Variants in IP6K1 observed in about 807,000 individuals in gnomAD.
IP6K1 encodes the protein ATP:1D-myo-inositol-hexakisphosphate phosphotransferase.
IP6K1 carries 13 observed loss-of-function variants against 38.3 expected under a neutral mutation model. That is an observed-to-expected ratio of 0.34 (90% CI 0.22 to 0.54). The LOEUF is 0.54. Among genes scored for constraint, IP6K1 ranks in the 20% least tolerant of loss-of-function variants. The pLI is 0.92. For synonymous variants in IP6K1, 212 were observed against 229.9 expected (o/e 0.92, Z 0.70); for missense variants, 397 against 599.8 (o/e 0.66, Z 3.53).
intron 1 of IP6K1, among the ~76,000 whole-genome samples, chr3:49,754,289 T>C (rs2080803459): frequency 6.6e-6 from 1 of 151,658 alleles, no homozygotes; most frequent in East Asian, 1.9e-4. Flanking sequence ...GGTGGGAGGA[T>C]GGCTTGAGCC....
At chr3:49,775,511 C>G in intron 1 of IP6K1, 1 of 900,832 alleles carries the variant, frequency 1.1e-6, no homozygotes, top group East Asian at 3.1e-5. Flanking sequence ...AGTGCACCAT[C>G]TAGGAGAAGG....
chr3:49,735,976 G>A (rs1329182165), intron 3 of IP6K1, among the ~76,000 whole-genome samples: 1 of 152,144 alleles, frequency 6.6e-6, no homozygotes, highest in Non-Finnish European at 1.5e-5. Context: ...GAGTGCAATG[G>A]TGTAATCTCA....
intron 2 of IP6K1, among the ~76,000 whole-genome samples, chr3:49,747,003 G>A (rs1439509413): frequency 6.6e-6 from 1 of 152,102 alleles, no homozygotes; most frequent in South Asian, 2.1e-4. Flanking sequence ...ATGTGTTAAT[G>A]CCACTAAATT....
chr3:49,777,739 C>T (rs2081030060), intron 1 of IP6K1, among the ~76,000 whole-genome samples: 1 of 149,934 alleles, frequency 6.7e-6, no homozygotes, highest in Admixed American at 6.7e-5. Context: ...ATGGTGAAAC[C>T]TTGTCTCTAC....
chr3:49,769,404 A>G (rs1399429278), intron 1 of IP6K1, among the ~76,000 whole-genome samples: 1 of 152,240 alleles, frequency 6.6e-6, no homozygotes, highest in Non-Finnish European at 1.5e-5. Context: ...GCATATGGAT[A>G]AACAAATAGA....
At chr3:49,758,855 G>A (rs1388562977) in intron 1 of IP6K1, among the ~76,000 whole-genome samples, 1 of 151,838 alleles carries the variant, frequency 6.6e-6, no homozygotes, top group Non-Finnish European at 1.5e-5. Context: ...AGCTACTCTG[G>A]GAGGCTGAGA....
chr3:49,767,164 T>C (rs1252250548), intron 1 of IP6K1, among the ~76,000 whole-genome samples: 1 of 151,624 alleles, frequency 6.6e-6, no homozygotes, highest in African/African-American at 2.4e-5. Flanking sequence ...TAGTCTCGGC[T>C]ACTTGGAAGG....
intron 1 of IP6K1, among the ~76,000 whole-genome samples, chr3:49,774,334 G>A (rs1345201198): frequency 6.7e-6 from 1 of 149,752 alleles, no homozygotes; most frequent in Non-Finnish European, 1.5e-5. Flanking sequence ...CGTGAACCCA[G>A]GAGGTGGAGC....
intron 3 of IP6K1, among the ~76,000 whole-genome samples, chr3:49,733,307 G>T (rs900552121): frequency 6.6e-6 from 1 of 152,134 alleles, no homozygotes; most frequent in Admixed American, 6.6e-5. Flanking sequence ...TAGAACTCTC[G>T]TACACTGCTG....
intron 1 of IP6K1, among the ~76,000 whole-genome samples, chr3:49,778,482 A>T (rs1176867261): frequency 1.3e-5 from 2 of 151,584 alleles, no homozygotes; most frequent in African/African-American, 4.9e-5. Flanking sequence ...AAAATACAAA[A>T]ATTAGCTGGG....
intron 2 of IP6K1, among the ~76,000 whole-genome samples, chr3:49,741,287 C>T (rs1408068970): frequency 6.6e-6 from 1 of 152,176 alleles, no homozygotes; most frequent in Non-Finnish European, 1.5e-5. Context: ...CAGCAATGTT[C>T]CCATTTCTCC....
intron 1 of IP6K1, chr3:49,775,535 C>T (rs2080999716): frequency 9.6e-7 from 1 of 1,039,844 alleles, no homozygotes; most frequent in South Asian, 1.6e-5. Context: ...GAGATGGCTG[C>T]CCAAAGATTG....
chr3:49,737,255 T>TG (rs1299668485), intron 3 of IP6K1, among the ~76,000 whole-genome samples: 2 of 152,158 alleles, frequency 1.3e-5, no homozygotes, highest in African/African-American at 4.8e-5. Context: ...CCCAAGTGGC[T>TG]GCACCACTTT....
chr3:49,756,908 G>T (rs1192786797), intron 1 of IP6K1, among the ~76,000 whole-genome samples: 1 of 105,828 alleles, frequency 9.4e-6, no homozygotes, highest in African/African-American at 3.0e-5. Flanking sequence ...GCTTTAATAA[G>T]AAGCCACTGG....
intron 1 of IP6K1, among the ~76,000 whole-genome samples, chr3:49,782,171 C>A (rs2081071273): frequency 8.6e-6 from 1 of 116,852 alleles, no homozygotes; most frequent in African/African-American, 3.6e-5. Flanking sequence ...GGAAAGTCTG[C>A]TTTTTCTTTT....
At chr3:49,764,524 T>C (rs1226741531) in intron 1 of IP6K1, among the ~76,000 whole-genome samples, 1 of 152,218 alleles carries the variant, frequency 6.6e-6, no homozygotes, top group Non-Finnish European at 1.5e-5. Context: ...GTTTTTTGAC[T>C]GTGTGGGGAG....
intron 1 of IP6K1, among the ~76,000 whole-genome samples, chr3:49,756,465 G>A (rs1270134495): frequency 2.0e-5 from 3 of 152,144 alleles, no homozygotes; most frequent in Non-Finnish European, 2.9e-5. Context: ...GATATGTGAA[G>A]AATTTTCAGA....
chr3:49,731,887 C>CAAAAAAAAAAAAAAAAAAAAAA (rs71080545), intron 4 of IP6K1, among the ~76,000 whole-genome samples: 1,426 of 65,034 alleles, frequency 0.022, 148 homozygotes, highest in East Asian at 0.048. Flanking sequence ...GACTCTGTCT[C>CAAAAAAAAAAAAAAAAAAAAAA]AAAAAAAAAA....
chr3:49,748,230 G>C lies in IP6K1; in HGVS notation c.-128-62C>G, dbSNP rs183483466. 18 of 624,902 alleles carry C rather than the reference G, an allele frequency of 2.9e-5. 1 individual carries two copies. The Admixed American group carries it at 4.1e-4, about 14-fold the overall frequency. The allele number at this position is 624,902 out of a possible 1,614,324, so 38.7% of individuals were successfully genotyped here. A position where few individuals can be genotyped will look rare whatever the true frequency, so the allele number is the denominator to read the frequency against. ...CTGGGTGAGTCACAATTTCCCTGGA[G>C]CTCCATGAGTGAGAGCAGGGACTCT... On this transcript the variant is annotated intron_variant, in intron 1 of 5. Transcript: ENST00000321599.
Sources: allele counts gnomAD v4.1 joint callset (sites outside exome capture counted in the v4.1 genomes callset), GRCh38; gene constraint gnomAD v4.1.1; transcripts MANE v1.5; gene names NCBI Gene and HGNC (gene_info 2026-07-23, HGNC 2026-07-21).